FRAS1: variants seen among roughly 807,000 people sequenced by gnomAD.
FRAS1 encodes the protein Fraser extracellular matrix complex subunit 1, also known as extracellular matrix organizing protein FRAS1.
A neutral mutation model predicts 435.2 loss-of-function variants in FRAS1; 290 were observed. The observed-to-expected ratio is 0.67, with a 90% CI of 0.61 to 0.73. The LOEUF (loss-of-function observed/expected upper bound fraction) is 0.73. Among genes scored for constraint, FRAS1 ranks in the 30% least tolerant of loss-of-function variants. The pLI is 0.00. For synonymous variants in FRAS1, 1,800 were observed against 1,851.0 expected, an observed-to-expected ratio of 0.97 and a Z score of 0.71; for missense variants, 4,860 against 5,001.5, an observed-to-expected ratio of 0.97 and a Z score of 0.85.
chr4:78,234,059 C>A (rs1466771462), intron 2 of FRAS1, among the ~76,000 whole-genome samples: 1 of 152,022 alleles, frequency 6.6e-6, no homozygotes, highest in Non-Finnish European at 1.5e-5. Context: ...GAGTGGGGAG[C>A]GTAAGTAAGT....
rs1324098707 is a variant in FRAS1 at position 78,337,756 on chromosome 4, T to G, written c.2361T>G (p.Asn787Lys). Reference sequence around the variant, plus strand: ...GTTACCCTCACATCTCTCTTACCAATGGTAACTGCAGGACCAGCTGCAGGG... The same window carrying G: ...GTTACCCTCACATCTCTCTTACCAAGGGTAACTGCAGGACCAGCTGCAGGG... Reference protein sequence around the residue: ...ISCYPHISLTNGNCRTSCREE... With the variant: ...ISCYPHISLTKGNCRTSCREE... Residue 787 changes from asparagine to lysine, a missense_variant, in exon 20 of 74, where the codon AAT (asparagine) becomes AAG (lysine). Coordinates refer to ENST00000512123, the MANE Select transcript of FRAS1 (RefSeq NM_025074.7). 1.2e-6 allele frequency: 2 copies of G among 1,613,788 alleles called. No homozygotes were observed. The highest frequency in any genetic ancestry group is 2.7e-5 in the African/African-American group (2 of 74,908).
chr4:78,112,579 T>C (rs1425123738), intron 2 of FRAS1, among the ~76,000 whole-genome samples: 1 of 152,144 alleles, frequency 6.6e-6, no homozygotes, highest in Non-Finnish European at 1.5e-5. Flanking sequence ...TGTGAAACAC[T>C]CTTGAAAGAT....
chr4:78,090,807 T>TC (rs1373604178), intron 2 of FRAS1, among the ~76,000 whole-genome samples: 3 of 152,204 alleles, frequency 2.0e-5, no homozygotes, highest in Non-Finnish European at 4.4e-5. Flanking sequence ...GAATGGCCTC[T>TC]CTTATCCTTT....
intron 61 of FRAS1, 30 bp from the exon 62 acceptor site, chr4:78,507,391 T>C: frequency 6.3e-7 from 1 of 1,582,976 alleles, no homozygotes; most frequent in Non-Finnish European, 8.6e-7. Context: ...ATGAAGCCTT[T>C]GCTCTCTTTT....
At chr4:78,336,848 A>T (rs1239203507) in intron 19 of FRAS1, among the ~76,000 whole-genome samples, 3 of 151,974 alleles carry the variant, frequency 2.0e-5, no homozygotes, top group Non-Finnish European at 4.4e-5. Context: ...CTTGGCAGAG[A>T]AGTTCTTAAA....
At chr4:78,478,897 T>C (rs570605441) in intron 55 of FRAS1, among the ~76,000 whole-genome samples, 1 of 152,312 alleles carries the variant, frequency 6.6e-6, no homozygotes, top group African/African-American at 2.4e-5. Context: ...AGTAAAGTCA[T>C]TTGTATACAG....
chr4:78,202,611 A>G (rs1208119095), intron 2 of FRAS1, among the ~76,000 whole-genome samples: 1 of 152,190 alleles, frequency 6.6e-6, no homozygotes, highest in Non-Finnish European at 1.5e-5. Flanking sequence ...TAATCTCATG[A>G]ACCCAGCAAG....
At chr4:78,466,524 A>C in intron 50 of FRAS1, 89 bp downstream of exon 50, 1 of 976,110 alleles carries the variant, frequency 1.0e-6, no homozygotes, top group Non-Finnish European at 1.5e-6. Context: ...CCATTGTTTG[A>C]GTTCTCGTTC....
intron 61 of FRAS1, among the ~76,000 whole-genome samples, chr4:78,503,548 TCGGTGGTGAG>T (rs762018246): frequency 1.1e-4 from 16 of 152,230 alleles, no homozygotes; most frequent in Non-Finnish European, 2.1e-4. Flanking sequence ...TTCTGTGGGA[TCGGTGGTGAG>T]ATCCCCTTTA....
At chr4:78,113,606 T>G (rs909957767) in intron 2 of FRAS1, among the ~76,000 whole-genome samples, 3 of 152,376 alleles carry the variant, frequency 2.0e-5, no homozygotes, top group Non-Finnish European at 4.4e-5. Context: ...TCATGTGTCT[T>G]TTGGCTCCAT....
intron 2 of FRAS1, among the ~76,000 whole-genome samples, chr4:78,091,152 A>AT (rs112311160): frequency 1.1e-3 from 157 of 149,112 alleles, no homozygotes; most frequent in Non-Finnish European, 1.5e-3. Context: ...GTTTAGATGC[A>AT]TTTTTTTTTT....
chr4:78,402,592 C>G (rs867431811), intron 30 of FRAS1, among the ~76,000 whole-genome samples: 1 of 152,062 alleles, frequency 6.6e-6, no homozygotes, highest in Non-Finnish European at 1.5e-5. Flanking sequence ...ATACCCTTAT[C>G]CTCCCCTAAT....
At chr4:78,075,917 G>A (rs1740615456) in intron 2 of FRAS1, among the ~76,000 whole-genome samples, 1 of 152,150 alleles carries the variant, frequency 6.6e-6, no homozygotes, top group Admixed American at 6.5e-5. Context: ...GTAACACTGA[G>A]AAGGGATTTT....
Position 78,265,077 on chromosome 4 carries a change from G to A in FRAS1, c.656G>A (p.Arg219Lys). Reference sequence around the variant, plus strand: ...AAATGTTGCCCGCAGTGCTCTGCAAGATCCTGCTCTGCAGCTGGCCAAGTA... The same window carrying A: ...AAATGTTGCCCGCAGTGCTCTGCAAAATCCTGCTCTGCAGCTGGCCAAGTA... Reference protein sequence around the residue: ...PGKCCPQCSARSCSAAGQVYE... With the variant: ...PGKCCPQCSAKSCSAAGQVYE... The change falls in exon 7 of 74, where the codon AGA (arginine) becomes AAA (lysine). Residue 219 changes from arginine to lysine, a missense_variant. By Grantham distance (26) the Arg-to-Lys change is conservative. Transcript: ENST00000512123. 1 of 1,613,448 alleles carries A rather than the reference G, an allele frequency of 6.2e-7. No individual in the cohort carries two copies. The highest frequency in any genetic ancestry group is 8.5e-7 in the Non-Finnish European group (1 of 1,179,596).
chr4:78,149,944 T>C (rs368741892), intron 2 of FRAS1, among the ~76,000 whole-genome samples: 84 of 152,228 alleles, frequency 5.5e-4, no homozygotes, highest in African/African-American at 2.0e-3. Flanking sequence ...AGAGCTGCAG[T>C]GGTGGCTCCA....
At chr4:78,298,583 G>A (rs139558667) in intron 14 of FRAS1, among the ~76,000 whole-genome samples, 16 of 152,250 alleles carry the variant, frequency 1.1e-4, no homozygotes, top group South Asian at 4.1e-4. Flanking sequence ...TAGATGCAGC[G>A]TCAGTATTTA....
intron 2 of FRAS1, among the ~76,000 whole-genome samples, chr4:78,085,921 G>A (rs999242747): frequency 2.5e-4 from 38 of 152,108 alleles, no homozygotes; most frequent in African/African-American, 8.2e-4. Context: ...TGCACCAAGC[G>A]GACCTAATAG....
At chr4:78,271,267 T>C (rs891523189) in intron 9 of FRAS1, among the ~76,000 whole-genome samples, 6 of 26,152 alleles carry the variant, frequency 2.3e-4, no homozygotes, top group African/African-American at 4.0e-4. Flanking sequence ...TAGAGAAACA[T>C]TACCATTCTT....
At chr4:78,296,444 T>C (rs1728149406) in intron 14 of FRAS1, among the ~76,000 whole-genome samples, 1 of 152,106 alleles carries the variant, frequency 6.6e-6, no homozygotes, top group Non-Finnish European at 1.5e-5. Flanking sequence ...CAGATCTCTT[T>C]GGAACTTCTT....
Sources: gnomAD v4.1 joint callset for allele counts (sites outside exome capture counted in the v4.1 genomes callset) on GRCh38, gnomAD v4.1.1 for gene constraint, MANE v1.5 for transcripts, NCBI Gene and HGNC (gene_info 2026-07-23, HGNC 2026-07-21) for gene names.